RBFOX1: variants seen among roughly 807,000 people sequenced by gnomAD.
RBFOX1 encodes RNA binding protein fox-1 homolog 1.
In RBFOX1, 8 loss-of-function variants were observed where a neutral mutation model predicts 57.7. That is an observed-to-expected ratio of 0.14 (90% CI 0.08 to 0.25). The LOEUF (loss-of-function observed/expected upper bound fraction) is 0.25, where lower values mean the gene tolerates loss of function less well. Ranked by LOEUF, RBFOX1 falls within the 10% of genes least tolerant of loss-of-function variation. The pLI is 1.00. For synonymous variants in RBFOX1, 326 were observed against 222.4 expected (o/e 1.47, Z -4.15); for missense variants, 611 against 548.5 (o/e 1.11, Z -1.14).
chr16:7,658,116 A>T (rs1255791483), intron 12 of RBFOX1, among the ~76,000 whole-genome samples: 1 of 152,190 alleles, frequency 6.6e-6, no homozygotes, highest in African/African-American at 2.4e-5. Flanking sequence ...ATCTTATGAC[A>T]TGCATTCAGT....
chr16:7,441,311 G>C (rs547583463), intron 4 of RBFOX1, among the ~76,000 whole-genome samples: 5 of 152,274 alleles, frequency 3.3e-5, no homozygotes, highest in Non-Finnish European at 5.9e-5. Context: ...TAGCATATTA[G>C]TTCCATTTGA....
chr16:5,726,338 C>G (rs17138449), intron 3 of RBFOX1, among the ~76,000 whole-genome samples: 3,524 of 152,232 alleles, frequency 0.023, 143 homozygotes, highest in African/African-American at 0.08. Context: ...ATGAACCATG[C>G]TATGACCGGC....
chr16:6,688,544 C>T (rs904108486), intron 3 of RBFOX1, among the ~76,000 whole-genome samples: 3 of 152,148 alleles, frequency 2.0e-5, no homozygotes, highest in Non-Finnish European at 4.4e-5. Flanking sequence ...TTCCCAAGCA[C>T]CGTAGTGGGG....
intron 1 of RBFOX1, among the ~76,000 whole-genome samples, chr16:6,125,545 C>T (rs1369069440): frequency 6.6e-6 from 1 of 152,134 alleles, no homozygotes; most frequent in Admixed American, 6.5e-5. Context: ...AATGTGAATG[C>T]CATATGCCTG....
At chr16:7,252,634 A>C (rs575225057) in intron 4 of RBFOX1, among the ~76,000 whole-genome samples, 72 of 151,456 alleles carry the variant, frequency 4.8e-4, no homozygotes, top group Non-Finnish European at 8.4e-4. Context: ...TGTTTCAGTT[A>C]ACCTGCTTTA....
chr16:5,412,600 G>A (rs1160458471), intron 1 of RBFOX1, among the ~76,000 whole-genome samples: 2 of 152,206 alleles, frequency 1.3e-5, no homozygotes, highest in East Asian at 3.9e-4. Context: ...TTAGAGTAGG[G>A]GAGGGAGGTG....
chr16:5,678,614 C>A (rs1312416490), intron 3 of RBFOX1, among the ~76,000 whole-genome samples: 1 of 152,124 alleles, frequency 6.6e-6, no homozygotes, highest in African/African-American at 2.4e-5. Context: ...TGCTTGAGCC[C>A]GTCCCACAGG....
At chr16:6,034,822 C>G (rs542224555) in intron 1 of RBFOX1, among the ~76,000 whole-genome samples, 2 of 152,180 alleles carry the variant, frequency 1.3e-5, no homozygotes, top group East Asian at 1.9e-4. Flanking sequence ...TGCTCTCATC[C>G]TGTTTCAGGA....
intron 4 of RBFOX1, among the ~76,000 whole-genome samples, chr16:7,171,543 C>T (rs937915699): frequency 6.6e-6 from 1 of 152,200 alleles, no homozygotes; most frequent in African/African-American, 2.4e-5. Flanking sequence ...AGGGGTAAAA[C>T]TGTGGCCAAG....
At chr16:6,684,975 A>G (rs1230070226) in intron 3 of RBFOX1, among the ~76,000 whole-genome samples, 2 of 152,114 alleles carry the variant, frequency 1.3e-5, no homozygotes, top group Admixed American at 1.3e-4. Context: ...GGCAGGTTGT[A>G]TTAGTAACAT....
chr16:5,796,844 C>G (rs1043542092), intron 3 of RBFOX1, among the ~76,000 whole-genome samples: 3 of 152,140 alleles, frequency 2.0e-5, no homozygotes, highest in Non-Finnish European at 2.9e-5. Flanking sequence ...AGGTTAACCT[C>G]TATATGGCCC....
At chr16:5,919,266 G>T (rs1364054648) in intron 4 of RBFOX1, among the ~76,000 whole-genome samples, 1 of 152,218 alleles carries the variant, frequency 6.6e-6, no homozygotes, top group Non-Finnish European at 1.5e-5. Flanking sequence ...ACATGTTCCA[G>T]GTTAGACAGT....
intron 4 of RBFOX1, among the ~76,000 whole-genome samples, chr16:7,315,667 T>TATATATACATATATATAA (rs1568172968): frequency 7.0e-6 from 1 of 143,572 alleles, no homozygotes; most frequent in African/African-American, 2.6e-5. Context: ...TATATATATA[T>TATATATACATATATATAA]GGAACATTAC....
intron 1 of RBFOX1, among the ~76,000 whole-genome samples, chr16:6,197,482 C>A (rs1053453500): frequency 6.6e-6 from 1 of 152,106 alleles, no homozygotes; most frequent in Non-Finnish European, 1.5e-5. Flanking sequence ...CATCCCTGCT[C>A]CACCTGAGCA....
chr16:7,453,645 G>T (rs1396167474), intron 4 of RBFOX1, among the ~76,000 whole-genome samples: 1 of 151,900 alleles, frequency 6.6e-6, no homozygotes, highest in Non-Finnish European at 1.5e-5. Flanking sequence ...TATAGAGGAT[G>T]TGTAAAACAT....
chr16:7,125,380 G>A (rs1371204547), intron 4 of RBFOX1, among the ~76,000 whole-genome samples: 1 of 152,214 alleles, frequency 6.6e-6, no homozygotes, highest in Non-Finnish European at 1.5e-5. Context: ...CAAATCAATA[G>A]ATGGTTGATA....
chr16:5,538,485 A>G (rs1438683064), intron 2 of RBFOX1, among the ~76,000 whole-genome samples: 1 of 152,222 alleles, frequency 6.6e-6, no homozygotes, highest in Non-Finnish European at 1.5e-5. Flanking sequence ...TCAAGGATCA[A>G]TAAACAAGGG....
chr16:6,821,765 T>G (rs955949054), intron 3 of RBFOX1, among the ~76,000 whole-genome samples: 1 of 152,210 alleles, frequency 6.6e-6, no homozygotes, highest in Non-Finnish European at 1.5e-5. Context: ...ATGAACCAAT[T>G]TTTTCATTGA....
At chr16:7,539,896 T>A (rs2082457397) in intron 5 of RBFOX1, among the ~76,000 whole-genome samples, 1 of 152,214 alleles carries the variant, frequency 6.6e-6, no homozygotes, top group African/African-American at 2.4e-5. Flanking sequence ...TATTTCTCCT[T>A]TATGGAGAAG....
Sources: allele counts gnomAD v4.1 joint callset (sites outside exome capture counted in the v4.1 genomes callset), GRCh38; gene constraint gnomAD v4.1.1; transcripts MANE v1.5; gene names NCBI Gene and HGNC (gene_info 2026-07-23, HGNC 2026-07-21).